The following ACADL variants were observed in gnomAD, a reference collection of about 807,000 sequenced individuals.
ACADL encodes the protein long-chain specific acyl-CoA dehydrogenase, mitochondrial.
In ACADL, 60 loss-of-function variants were observed where a neutral mutation model predicts 56.9. The observed-to-expected ratio is 1.05, with a 90% confidence interval of 0.86 to 1.31. The LOEUF (loss-of-function observed/expected upper bound fraction) is 1.31, where lower values mean the gene tolerates loss of function less well. Among genes scored for constraint, ACADL ranks in the 50% most tolerant of loss-of-function variants. The pLI is 0.00. For synonymous variants in ACADL, 158 were observed against 179.7 expected (o/e 0.88, Z 0.97); for missense variants, 484 against 525.5 (o/e 0.92, Z 0.77).
intron 4 of ACADL, among the ~76,000 whole-genome samples, chr2:210,214,505 A>AAGAAAGAAAGAAAG (rs1451947089): frequency 6.6e-6 from 1 of 150,512 alleles, no homozygotes; most frequent in Admixed American, 6.6e-5. Context: ...GAAAGAAAGA[A>AAGAAAGAAAGAAAG]AGAAAAAGAA....
At chr2:210,192,099 T>C (rs192932482) in intron 10 of ACADL, among the ~76,000 whole-genome samples, 162 of 151,808 alleles carry the variant, frequency 1.1e-3, no homozygotes, top group Non-Finnish European at 1.7e-3. Context: ...ACAAAACAAA[T>C]AATCAGATAT....
At chr2:210,198,873 C>T (rs1450407873) in intron 8 of ACADL, among the ~76,000 whole-genome samples, 1 of 152,004 alleles carries the variant, frequency 6.6e-6, no homozygotes, top group African/African-American at 2.4e-5. Context: ...CCGCAAAAAA[C>T]CATAAGATCG....
intron 3 of ACADL, chr2:210,217,595 C>T (rs1689107348): frequency 1.2e-5 from 2 of 163,052 alleles, no homozygotes; most frequent in Admixed American, 6.3e-5. Flanking sequence ...TTTTCAACTG[C>T]AATCTTTATT....
intron 3 of ACADL, chr2:210,216,734 T>A: frequency 2.0e-6 from 1 of 490,700 alleles, no homozygotes; most frequent in Non-Finnish European, 3.7e-6. Context: ...AACACTTATT[T>A]AATTGAGAGA....
chr2:210,190,901 TTTGTTG>T lies in ACADL; in HGVS notation c.1200-1853_1200-1848del, dbSNP rs1158751817. On this transcript the variant is annotated intron_variant, in intron 10 of 10. Transcript: ENST00000233710. Reference sequence around the variant, plus strand: ...ATTGCCAATGTGTCTATGTGGCTTTTTTGTTGTTGTTGTTGTTGTTTGTTTTTTTTT... The same window carrying T: ...ATTGCCAATGTGTCTATGTGGCTTTTTTGTTGTTGTTGTTTGTTTTTTTTT... Among the ~76,000 whole-genome samples the T allele has an allele frequency of 2.9e-5, 4 of 139,602 alleles. No individual in the cohort carries two copies. In the South Asian group the frequency reaches 7.2e-4, roughly 25 times the overall value. The allele number at this position is 139,602 out of a possible 152,430, so 91.6% of individuals were successfully genotyped here.
At chr2:210,193,735 A>C (rs1390910310) in intron 9 of ACADL, among the ~76,000 whole-genome samples, 1 of 152,032 alleles carries the variant, frequency 6.6e-6, no homozygotes, top group Non-Finnish European at 1.5e-5. Flanking sequence ...ACAGTGGCAC[A>C]ATCATAGCTC....
chr2:210,214,499 G>GAAAGAAAGAAAGAA (rs1553691024), intron 4 of ACADL, among the ~76,000 whole-genome samples: 1 of 150,560 alleles, frequency 6.6e-6, no homozygotes, highest in East Asian at 1.9e-4. Context: ...AAGAAAGAAA[G>GAAAGAAAGAAAGAA]AAAGAAAGAA....
At position 210,225,394 on chromosome 2, in the gene ACADL, G is replaced by A; in HGVS notation, c.-131C>T. The A allele has an allele frequency of 9.6e-7, 1 of 1,043,174 alleles. No individual in the cohort carries two copies. Among genetic ancestry groups the A allele is most frequent in the South Asian group, 1.6e-5 (1 of 61,106 alleles). 64.6% of individuals were successfully genotyped at this position (1,043,174 alleles called of 1,614,324 possible). A position where few individuals can be genotyped will look rare whatever the true frequency, so the allele number is the denominator to read the frequency against. On this transcript the variant is annotated 5_prime_UTR_variant, in exon 1 of 11. Transcript: ENST00000233710. ...GTGGTGTCCTCCCAAAAAAGCGCTCGCGCGCGCCCTTCCGGAGCCCCAACC... is the reference window on the plus strand; with the variant it reads ...GTGGTGTCCTCCCAAAAAAGCGCTCACGCGCGCCCTTCCGGAGCCCCAACC...
At chr2:210,203,136 G>A (rs1475756792) in intron 8 of ACADL, among the ~76,000 whole-genome samples, 195 bp downstream of exon 8, 1 of 151,970 alleles carries the variant, frequency 6.6e-6, no homozygotes, top group East Asian at 1.9e-4. Flanking sequence ...TTTAAATCTT[G>A]TAGTCTTCCT....
In ACADL at chr2:210,205,689, A is replaced by G; in HGVS notation, c.711T>C (p.Asn237=). Residue 237 remains asparagine (N), a synonymous_variant, in exon 6 of 11, where the codon AAT becomes AAC. Coordinates refer to ENST00000233710, the MANE Select transcript of ACADL (RefSeq NM_001608.4). ...AHGISLFLVE[N]GMKGFIKGRK... is the part of the protein sequence containing the mutation. ...GTCCCTTGATAAATCCTTTCATTCC[A>G]TTTTCCACCAGAAAAAGGCTAATAC... 1.2e-6 allele frequency: 2 copies of G among 1,613,730 alleles called. No individual in the cohort carries two copies. The highest frequency in any genetic ancestry group is 1.7e-6 in the Non-Finnish European group (2 of 1,179,898).
intron 4 of ACADL, among the ~76,000 whole-genome samples, chr2:210,215,112 T>G (rs183207768): frequency 6.6e-6 from 1 of 152,344 alleles, no homozygotes; most frequent in East Asian, 1.9e-4. Flanking sequence ...AAGTTCTTTC[T>G]TTGCACTATT....
At chr2:210,195,837 T>A (rs1204141032) in intron 8 of ACADL, among the ~76,000 whole-genome samples, 2 of 152,162 alleles carry the variant, frequency 1.3e-5, no homozygotes, top group Non-Finnish European at 2.9e-5. Flanking sequence ...CATCAAAATA[T>A]AAGGTATTAT....
In ACADL at chr2:210,225,214, C is replaced by T. The variant is rs1476349973; in HGVS notation, c.50G>A (p.Arg17His). ...RGSLRVLGGH[R>H]APRQLPAARC... ...CGCGGCGGGCAGCTGGCGCGGCGCA[C>T]GGTGGCCGCCCAGGACGCGTAGGGA... The change falls in exon 1 of 11, where the codon CGT becomes CAT. Residue 17 changes from arginine (R) to histidine (H), a missense_variant. Transcript: ENST00000233710. 7.1e-6 allele frequency: 11 copies of T among 1,544,026 alleles called. No homozygotes were observed. Among genetic ancestry groups the T allele is most frequent in the Non-Finnish European group, 9.6e-6 (11 of 1,150,776 alleles).
At chr2:210,204,551 C>G in intron 7 of ACADL, 30 bp downstream of exon 7, 1 of 1,426,422 alleles carries the variant, frequency 7.0e-7, no homozygotes. Flanking sequence ...ATTATTCAGT[C>G]AAAAGATGGA....
At chr2:210,210,332 T>C in intron 4 of ACADL, 70 bp from the exon 5 acceptor site, 1 of 1,168,360 alleles carries the variant, frequency 8.6e-7, no homozygotes, top group Non-Finnish European at 1.3e-6. Flanking sequence ...GATATAAGTA[T>C]GTATGTAAAT....
chr2:210,224,788 A>G (rs1175510922), intron 1 of ACADL: 4 of 993,528 alleles, frequency 4.0e-6, no homozygotes, highest in Non-Finnish European at 4.8e-6. Context: ...GAACTGGGAC[A>G]CAGATCGCAG....
Position 210,225,227 on chromosome 2 carries a change from G to A in ACADL, c.37C>T (p.Leu13=), listed in dbSNP as rs575405475. 93 of 1,552,204 alleles carry A rather than the reference G, an allele frequency of 6.0e-5. No individual in the cohort carries two copies. In the African/African-American group the frequency reaches 1.1e-3, roughly 19 times the overall value. ...ARLLRGSLRV[L]GGHRAPRQLP... ...TGGCGCGGCGCACGGTGGCCGCCCA[G>A]GACGCGTAGGGACCCTCGGAGAAGG... The change falls in exon 1 of 11, where the codon CTG becomes TTG. Residue 13 remains leucine, a synonymous_variant. Coordinates refer to ENST00000233710, the MANE Select transcript of ACADL (RefSeq NM_001608.4).
chr2:210,194,592 A>C (rs1688679987), intron 9 of ACADL, among the ~76,000 whole-genome samples: 2 of 152,206 alleles, frequency 1.3e-5, no homozygotes, highest in African/African-American at 4.8e-5. Flanking sequence ...AGTCTTTCTA[A>C]ACTTAATAGG....
intron 9 of ACADL, among the ~76,000 whole-genome samples, chr2:210,194,836 A>T (rs1688682681): frequency 6.6e-6 from 1 of 152,188 alleles, no homozygotes; most frequent in Admixed American, 6.6e-5. Flanking sequence ...GTTCCCTTTC[A>T]GCCTCACTAT....
Sources: gnomAD v4.1 joint callset for allele counts (sites outside exome capture counted in the v4.1 genomes callset) on GRCh38, gnomAD v4.1.1 for gene constraint, MANE v1.5 for transcripts, NCBI Gene and HGNC (gene_info 2026-07-23, HGNC 2026-07-21) for gene names.